The following SLC25A21 variants were observed in gnomAD, a reference collection of about 807,000 sequenced individuals.
The protein encoded by SLC25A21 is solute carrier family 25 member 21.
Under a neutral mutation model 43.8 loss-of-function variants are expected in SLC25A21, and 47 were observed. That is an observed-to-expected ratio of 1.07 (90% CI 0.85 to 1.37). SLC25A21 has a LOEUF of 1.37. Ranked by LOEUF, SLC25A21 falls within the 40% of genes most tolerant of loss-of-function variation. The pLI, the probability that SLC25A21 is intolerant of heterozygous loss-of-function variation, is 0.00. For synonymous variants in SLC25A21, 131 were observed against 121.3 expected (o/e 1.08, Z -0.52); for missense variants, 352 against 350.2 (o/e 1.00, Z -0.04).
At chr14:37,063,328 C>T (rs889480129) in intron 1 of SLC25A21, among the ~76,000 whole-genome samples, 9 of 151,852 alleles carry the variant, frequency 5.9e-5, no homozygotes, top group South Asian at 2.1e-4. Context: ...GGTGAAACCC[C>T]GTCTCTACTA....
At chr14:37,053,856 A>G (rs375663436) in intron 1 of SLC25A21, among the ~76,000 whole-genome samples, 1 of 152,220 alleles carries the variant, frequency 6.6e-6, no homozygotes, top group East Asian at 1.9e-4. Flanking sequence ...GCATCAATAA[A>G]AAATAATAGC....
At chr14:36,826,118 A>G (rs1423712462) in intron 2 of SLC25A21, among the ~76,000 whole-genome samples, 1 of 152,162 alleles carries the variant, frequency 6.6e-6, no homozygotes, top group Non-Finnish European at 1.5e-5. Flanking sequence ...CAACTCTCTC[A>G]CAGAAGTTTG....
At chr14:37,095,714 A>G (rs2138856664) in intron 1 of SLC25A21, among the ~76,000 whole-genome samples, 1 of 152,134 alleles carries the variant, frequency 6.6e-6, no homozygotes, top group African/African-American at 2.4e-5. Flanking sequence ...ACATAGCAAG[A>G]ACTCATCTCT....
chr14:36,862,782 A>T (rs1890109598), intron 2 of SLC25A21, among the ~76,000 whole-genome samples: 1 of 152,200 alleles, frequency 6.6e-6, no homozygotes, highest in African/African-American at 2.4e-5. Context: ...ATTATCTGAG[A>T]AAAGTTTATG....
chr14:36,989,285 G>A (rs1027012180), intron 1 of SLC25A21, among the ~76,000 whole-genome samples: 1 of 152,168 alleles, frequency 6.6e-6, no homozygotes, highest in Non-Finnish European at 1.5e-5. Flanking sequence ...TGTAGATGAT[G>A]TGAAAAAGGT....
At chr14:36,835,234 AAGGGATT>A (rs1176929202) in intron 2 of SLC25A21, among the ~76,000 whole-genome samples, 3 of 152,228 alleles carry the variant, frequency 2.0e-5, no homozygotes, top group African/African-American at 7.2e-5. Flanking sequence ...TGAACCTGCC[AAGGGATT>A]AGCAAGGAAA....
At chr14:36,723,447 G>T (rs540004776) in intron 6 of SLC25A21, among the ~76,000 whole-genome samples, 1 of 152,148 alleles carries the variant, frequency 6.6e-6, no homozygotes, top group Non-Finnish European at 1.5e-5. Flanking sequence ...GCATCTAATT[G>T]ATTTTATTCT....
intron 1 of SLC25A21, among the ~76,000 whole-genome samples, chr14:36,894,229 T>C (rs1413319640): frequency 6.6e-6 from 1 of 152,190 alleles, no homozygotes; most frequent in Non-Finnish European, 1.5e-5. Context: ...CAGTGGTTTG[T>C]AGTTCTCCTT....
chr14:36,999,538 G>T (rs1960442310), intron 1 of SLC25A21, among the ~76,000 whole-genome samples: 1 of 152,098 alleles, frequency 6.6e-6, no homozygotes, highest in African/African-American at 2.4e-5. Context: ...TGGCAATGTA[G>T]GTTCATCAAT....
At chr14:36,689,112 T>C (rs890029961) in intron 7 of SLC25A21, among the ~76,000 whole-genome samples, 3 of 152,214 alleles carry the variant, frequency 2.0e-5, no homozygotes, top group African/African-American at 7.2e-5. Flanking sequence ...TTCCACATGG[T>C]TGGGGAGGCC....
intron 1 of SLC25A21, among the ~76,000 whole-genome samples, chr14:37,030,109 G>A (rs1961178830): frequency 6.6e-6 from 1 of 151,988 alleles, no homozygotes; most frequent in Admixed American, 6.6e-5. Context: ...AACATGAACA[G>A]TTGACTAACA....
chr14:36,979,996 G>C (rs1959981380), intron 1 of SLC25A21, among the ~76,000 whole-genome samples: 1 of 152,186 alleles, frequency 6.6e-6, no homozygotes, highest in South Asian at 2.1e-4. Flanking sequence ...CCCAGACCTA[G>C]TCCAGTGCTT....
chr14:37,000,008 AAATG>A (rs1365726568), intron 1 of SLC25A21, among the ~76,000 whole-genome samples: 1 of 152,208 alleles, frequency 6.6e-6, no homozygotes, highest in East Asian at 1.9e-4. Flanking sequence ...GTGAACGAAT[AAATG>A]AATAAAAGAA....
chr14:37,118,838 G>C (rs1360682167), intron 1 of SLC25A21, among the ~76,000 whole-genome samples: 2 of 151,878 alleles, frequency 1.3e-5, no homozygotes, highest in East Asian at 3.9e-4. Flanking sequence ...ATTTGAACCA[G>C]AGTGACTCCA....
At chr14:36,788,532 C>G (rs980430183) in intron 3 of SLC25A21, 1 of 148,152 alleles carries the variant, frequency 6.7e-6, no homozygotes, top group East Asian at 2.0e-4. Context: ...AGCACCAGGC[C>G]GCCCTTTAAT....
rs146753341 is a variant in SLC25A21, at chr14:36,904,179, C to G, written c.71-29175G>C. Among the ~76,000 whole-genome samples, 503 of 152,244 alleles carry G rather than the reference C, an allele frequency of 3.3e-3. 4 individuals carry two copies. The highest frequency in any genetic ancestry group is 0.011 in the African/African-American group (471 of 41,532). On this transcript the variant is annotated intron_variant, in intron 1 of 9. Coordinates refer to ENST00000331299, the MANE Select transcript of SLC25A21 (RefSeq NM_030631.4). The stretch of plus-strand genomic sequence containing the variant: ...TTGAGGGGGACGCTATAGGCTTAGC[C>G]AATGGGAAATCCCGACCCAGATTCA...
intron 7 of SLC25A21, among the ~76,000 whole-genome samples, chr14:36,708,744 G>GTT (rs58837881): frequency 3.9e-4 from 42 of 108,436 alleles, no homozygotes; most frequent in Non-Finnish European, 4.5e-4. Context: ...GCTAACGTTA[G>GTT]TTTTTTTTTT....
intron 1 of SLC25A21, among the ~76,000 whole-genome samples, chr14:36,881,126 G>T (rs542706749): frequency 6.6e-6 from 1 of 152,274 alleles, no homozygotes; most frequent in South Asian, 2.1e-4. Flanking sequence ...ATCAATTCTA[G>T]TCTTACATGA....
At chr14:36,938,279 T>C (rs1364070789) in intron 1 of SLC25A21, among the ~76,000 whole-genome samples, 1 of 152,170 alleles carries the variant, frequency 6.6e-6, no homozygotes, top group Non-Finnish European at 1.5e-5. Context: ...TCAACTCCCC[T>C]AGGCACAGAG....
Sources: gnomAD v4.1 joint callset for allele counts (sites outside exome capture counted in the v4.1 genomes callset) on GRCh38, gnomAD v4.1.1 for gene constraint, MANE v1.5 for transcripts, NCBI Gene and HGNC (gene_info 2026-07-23, HGNC 2026-07-21) for gene names.